The following DSG3 variants were observed in gnomAD, a reference collection of about 807,000 sequenced individuals.
DSG3 encodes desmoglein-3.
A neutral mutation model predicts 85.9 loss-of-function variants in DSG3; 63 were observed. That is an observed-to-expected ratio of 0.73 (90% CI 0.60 to 0.90). DSG3 has a LOEUF of 0.90. DSG3 is among the 40% of genes least tolerant of loss of function. The pLI is 0.00. For missense variants in DSG3, 1,220 were observed against 1,219.9 expected, an observed-to-expected ratio of 1.00 and a Z score of 0.00; for synonymous variants, 447 against 441.9, an observed-to-expected ratio of 1.01 and a Z score of -0.14.
chr18:31,471,975 A>G (rs2072858200), intron 12 of DSG3, among the ~76,000 whole-genome samples: 1 of 152,208 alleles, frequency 6.6e-6, no homozygotes, highest in South Asian at 2.1e-4. Context: ...AAAATGTATT[A>G]AGGAAAAGGA....
chr18:31,476,000 G>A lies in DSG3; in HGVS notation c.2740G>A (p.Gly914Arg), dbSNP rs1448395410. The A allele has an allele frequency of 6.2e-7, 1 of 1,614,058 alleles. No homozygotes were observed. The highest frequency in any genetic ancestry group is 1.7e-5 in the Admixed American group (1 of 59,988). ...SQGASALSTS[G>R]SVQPAVSIPD... ...AGGAGCTTCTGCTTTGTCCACCTCT[G>A]GGTCTGTCCAGCCAGCTGTTTCCAT... Residue 914 changes from glycine to arginine, a missense_variant, in exon 16 of 16, where the codon GGG (glycine) becomes AGG (arginine). Physicochemically the swap from Gly to Arg is moderately radical, Grantham distance 125. Transcript: ENST00000257189.
chr18:31,475,635 C>T lies in DSG3; in HGVS notation c.2386-11C>T, dbSNP rs1165775454. 1.9e-6 allele frequency: 3 copies of T among 1,598,042 alleles called. No homozygotes were observed. Among genetic ancestry groups the T allele is most frequent in the Admixed American group, 1.8e-5 (1 of 56,416 alleles). ...TAAAATTCATTTTTTCCCACTTTTT[C>T]TCTGTCTTAGAAAGCATTTGCCTGT... On this transcript the variant is annotated splice_polypyrimidine_tract_variant and intron_variant, in intron 15 of 15. Transcript: ENST00000257189.
intron 11 of DSG3, among the ~76,000 whole-genome samples, chr18:31,467,341 TA>T (rs879603395): frequency 3.6e-4 from 52 of 144,668 alleles, no homozygotes; most frequent in African/African-American, 5.8e-4. Flanking sequence ...AAACTCCATC[TA>T]AAAAAAAAAA....
Position 31,474,391 on chromosome 18 carries a change from C to T in DSG3, c.2372C>T (p.Ser791Phe). The T allele has an allele frequency of 6.2e-7, 1 of 1,600,022 alleles. No homozygotes were observed. Among genetic ancestry groups the T allele is most frequent in the African/African-American group, 1.3e-5 (1 of 74,668 alleles). ...DGAISMNFLD[S>F]YFSQKAFACA... ...GCGATAAGCATGAATTTTCTGGACT[C>T]CTACTTTTCTCAGGTAATTTGGTGA... is the stretch of plus-strand genomic sequence containing the variant. Residue 791 changes from serine (S) to phenylalanine (F), a missense_variant, in exon 15 of 16, where the codon TCC (serine) becomes TTC (phenylalanine). Coordinates refer to ENST00000257189, the MANE Select transcript of DSG3 (RefSeq NM_001944.3).
At chr18:31,458,930 C>A in intron 4 of DSG3, 103 bp from the exon 5 acceptor site, 1 of 1,387,576 alleles carries the variant, frequency 7.2e-7, no homozygotes, top group Non-Finnish European at 9.9e-7. Flanking sequence ...TTCTTCTTTG[C>A]ACAAAAGTGA....
intron 1 of DSG3, among the ~76,000 whole-genome samples, chr18:31,452,485 C>T (rs1005777725): frequency 2.4e-5 from 3 of 126,350 alleles, no homozygotes; most frequent in Admixed American, 2.0e-4. Flanking sequence ...CGCTACTGCA[C>T]TTCAGCCTTG....
chr18:31,462,213 C>T (rs2072791127), intron 8 of DSG3, among the ~76,000 whole-genome samples: 1 of 152,096 alleles, frequency 6.6e-6, no homozygotes, highest in Non-Finnish European at 1.5e-5. Flanking sequence ...GCAGGGTCCG[C>T]ATCATGTGCC....
chr18:31,475,424 T>C (rs931870874), intron 15 of DSG3, among the ~76,000 whole-genome samples: 6 of 152,298 alleles, frequency 3.9e-5, no homozygotes, highest in African/African-American at 1.2e-4. Flanking sequence ...ATTTGTAGAA[T>C]CTAGACAAAG....
rs1446362981 is a variant in DSG3 at position 31,477,728 on chromosome 18, G to A, written c.*1468G>A. 1.3e-5 allele frequency: 2 copies of A among 152,062 alleles called. No homozygotes were observed. Among genetic ancestry groups the A allele is most frequent in the African/African-American group, 2.4e-5 (1 of 41,384 alleles). 9.4% of individuals were successfully genotyped at this position (152,062 alleles called of 1,614,324 possible). A position where few individuals can be genotyped will look rare whatever the true frequency, so the allele number is the denominator to read the frequency against. On this transcript the variant is annotated 3_prime_UTR_variant, in exon 16 of 16. Coordinates refer to ENST00000257189, the MANE Select transcript of DSG3 (RefSeq NM_001944.3). ...TACCATGATAGTAATGCAGCTCTTC[G>A]AGTCATTTCTGGTCATTCAAGATAT...
intron 15 of DSG3, 71 bp downstream of exon 15, chr18:31,474,475 C>T: frequency 6.7e-7 from 1 of 1,497,032 alleles, no homozygotes; most frequent in Admixed American, 2.3e-5. Context: ...TGATTATATA[C>T]TTCAGTTTTG....
In DSG3 at chr18:31,474,242, A is replaced by G. The variant is rs753718121; in HGVS notation, c.2223A>G (p.Thr741=). The G allele has an allele frequency of 6.2e-7, 1 of 1,614,212 alleles. No individual in the cohort carries two copies. The highest frequency in any genetic ancestry group is 8.5e-7 in the Non-Finnish European group (1 of 1,180,040). ...GTGCTGCAGGCTTTGCAACAGGGAC[A>G]GTGTCAGGAGCTGCTTCAGGATTCG... ...SGGAAGFATG[T]VSGAASGFGA... The change falls in exon 15 of 16, where the codon ACA becomes ACG. Residue 741 remains threonine, a synonymous_variant. Coordinates refer to ENST00000257189, the MANE Select transcript of DSG3 (RefSeq NM_001944.3).
At chr18:31,461,190 G>A in intron 7 of DSG3, 37 bp from the exon 8 acceptor site, 1 of 1,550,580 alleles carries the variant, frequency 6.4e-7, no homozygotes, top group Non-Finnish European at 8.8e-7. Context: ...TGTAAAACCT[G>A]TCATTAGGTC....
At chr18:31,464,726 A>G (rs1315237164) in intron 9 of DSG3, among the ~76,000 whole-genome samples, 1 of 152,222 alleles carries the variant, frequency 6.6e-6, no homozygotes, top group African/African-American at 2.4e-5. Flanking sequence ...ATAAAACAGC[A>G]CTTACAAAGA....
At chr18:31,458,650 G>T (rs190252052) in intron 4 of DSG3, 50 bp downstream of exon 4, 1 of 1,562,176 alleles carries the variant, frequency 6.4e-7, no homozygotes, top group Non-Finnish European at 8.7e-7. Context: ...GTATACCATC[G>T]CTTTAGAAAG....
intron 6 of DSG3, 69 bp from the exon 7 acceptor site, chr18:31,460,764 G>C (rs928603378): frequency 1.5e-6 from 2 of 1,356,766 alleles, no homozygotes; most frequent in African/African-American, 3.1e-5. Context: ...TTACCCATAG[G>C]AATCAAGTAG....
Position 31,461,311 on chromosome 18 carries a change from A to G in DSG3, c.898A>G (p.Asn300Asp). The G allele has an allele frequency of 6.2e-7, 1 of 1,613,522 alleles. No individual in the cohort carries two copies. The highest frequency in any genetic ancestry group is 8.5e-7 in the Non-Finnish European group (1 of 1,179,632). Residue 300 changes from asparagine to aspartate, a missense_variant, in exon 8 of 16, where the codon AAT becomes GAT. Transcript: ENST00000257189. ...AGATTTGGATGAAGAGTACACAGAT[A>G]ATTGGCTTGCAGTATATTTCTTTAC... is the stretch of plus-strand genomic sequence containing the variant. ...VTDLDEEYTD[N>D]WLAVYFFTSG... is the part of the protein sequence containing the mutation.
At chr18:31,458,171 C>G (rs2072761056) in intron 3 of DSG3, among the ~76,000 whole-genome samples, 1 of 152,074 alleles carries the variant, frequency 6.6e-6, no homozygotes, top group Non-Finnish European at 1.5e-5. Flanking sequence ...CTTTGACTTT[C>G]TTTTAACATT....
Position 31,474,243 on chromosome 18 carries a change from G to A in DSG3, c.2224G>A (p.Val742Met), listed in dbSNP as rs2072872963. 7 of 1,614,112 alleles carry A rather than the reference G, an allele frequency of 4.3e-6. No individual in the cohort carries two copies. Among genetic ancestry groups the A allele is most frequent in the Non-Finnish European group, 5.1e-6 (6 of 1,180,062 alleles). ...GGAAGFATGTVSGAASGFGAA... is the reference protein window; with the variant it reads ...GGAAGFATGTMSGAASGFGAA... ...TGCTGCAGGCTTTGCAACAGGGACA[G>A]TGTCAGGAGCTGCTTCAGGATTCGG... is the stretch of plus-strand genomic sequence containing the variant. The change falls in exon 15 of 16, where the codon GTG becomes ATG. Residue 742 changes from valine (V) to methionine (M), a missense_variant. Val to Met is a conservative substitution (Grantham distance 21, BLOSUM62 1). Transcript: ENST00000257189.
At position 31,476,935 on chromosome 18, in the gene DSG3, C is replaced by T. The variant is rs1016449419; in HGVS notation, c.*675C>T. The T allele has an allele frequency of 2.1e-5, 3 of 142,842 alleles. No homozygotes were observed. Among genetic ancestry groups the T allele is most frequent in the Admixed American group, 1.5e-4 (2 of 13,544 alleles). The allele number at this position is 142,842 out of a possible 1,614,324, so 8.8% of individuals were successfully genotyped here. A position where few individuals can be genotyped will look rare whatever the true frequency, so the allele number is the denominator to read the frequency against. On this transcript the variant is annotated 3_prime_UTR_variant, in exon 16 of 16. Transcript: ENST00000257189. ...GATTGCGCCACTGCAGTCCGCAGTC[C>T]GGCCTGGGCGACAGAGCGAGACTCC...
Sources: allele counts gnomAD v4.1 joint callset (sites outside exome capture counted in the v4.1 genomes callset), GRCh38; gene constraint gnomAD v4.1.1; transcripts MANE v1.5; gene names NCBI Gene and HGNC (gene_info 2026-07-23, HGNC 2026-07-21).